The following SLC25A12 variants were observed in gnomAD, a reference collection of about 807,000 sequenced individuals.
SLC25A12 encodes the protein electrogenic aspartate/glutamate antiporter SLC25A12, mitochondrial.
A neutral mutation model predicts 83.3 loss-of-function variants in SLC25A12; 32 were observed. The observed-to-expected ratio is 0.38, with a 90% CI of 0.29 to 0.52. The LOEUF (loss-of-function observed/expected upper bound fraction) is 0.52, where lower values mean the gene tolerates loss of function less well. Ranked by LOEUF, SLC25A12 falls within the 20% of genes least tolerant of loss-of-function variation. The pLI, the probability that SLC25A12 is intolerant of heterozygous loss-of-function variation, is 0.84. For missense variants in SLC25A12, 611 were observed against 835.6 expected, an observed-to-expected ratio of 0.73 and a Z score of 3.31; for synonymous variants, 267 against 291.1, an observed-to-expected ratio of 0.92 and a Z score of 0.84.
At chr2:171,868,909 A>C in intron 2 of SLC25A12, 86 bp from the exon 3 acceptor site, 1 of 1,142,518 alleles carries the variant, frequency 8.8e-7, no homozygotes, top group Non-Finnish European at 1.3e-6. Context: ...AGGTAAATTA[A>C]AGGCCAGTAT....
At chr2:171,860,556 C>T (rs1158961958) in intron 3 of SLC25A12, among the ~76,000 whole-genome samples, 1 of 152,022 alleles carries the variant, frequency 6.6e-6, no homozygotes, top group Admixed American at 6.6e-5. Context: ...GAGCCGAGAT[C>T]GGGCCACTGC....
intron 2 of SLC25A12, among the ~76,000 whole-genome samples, chr2:171,882,130 T>C (rs1685707216): frequency 6.6e-6 from 1 of 152,164 alleles, no homozygotes; most frequent in Non-Finnish European, 1.5e-5. Flanking sequence ...GAGTCACCCC[T>C]AGGCTTCCAG....
intron 9 of SLC25A12, among the ~76,000 whole-genome samples, chr2:171,817,291 T>TA (rs1417903514): frequency 1.3e-5 from 2 of 152,170 alleles, no homozygotes; most frequent in African/African-American, 4.8e-5. Flanking sequence ...CACATTGGCA[T>TA]ACGTTTTTAA....
intron 8 of SLC25A12, among the ~76,000 whole-genome samples, chr2:171,832,714 T>A (rs1281964443): frequency 1.3e-5 from 2 of 152,196 alleles, no homozygotes; most frequent in African/African-American, 4.8e-5. Flanking sequence ...CCAATGCTCA[T>A]CCAAGGATCT....
chr2:171,893,796 T>A (rs966840616), intron 1 of SLC25A12, among the ~76,000 whole-genome samples: 3 of 152,156 alleles, frequency 2.0e-5, no homozygotes. Flanking sequence ...CTCGGCCTTA[T>A]TGAGGCCCCA....
At chr2:171,809,340 A>G (rs769959656) in intron 13 of SLC25A12, 2 of 459,332 alleles carry the variant, frequency 4.4e-6, no homozygotes, top group African/African-American at 2.0e-5. Flanking sequence ...AATGGTTCCT[A>G]TTTCTCCACA....
chr2:171,840,615 T>G (rs543443969), intron 5 of SLC25A12, among the ~76,000 whole-genome samples: 1 of 151,840 alleles, frequency 6.6e-6, no homozygotes, highest in Non-Finnish European at 1.5e-5. Flanking sequence ...TCCTGAAAAT[T>G]AGAAATACAG....
Position 171,834,726 on chromosome 2 carries a change from C to G in SLC25A12, c.751+1G>C. On this transcript the variant is annotated splice_donor_variant, in intron 7 of 17. Transcript: ENST00000422440. LOFTEE classifies it high-confidence loss of function. ...TATTTATGTATATTTTAAAATCTTA[C>G]CCTTTGTGACTTCAACATCTTTCCT... The G allele has an allele frequency of 6.2e-7, 1 of 1,613,002 alleles. No homozygotes were observed. The highest frequency in any genetic ancestry group is 8.5e-7 in the Non-Finnish European group (1 of 1,179,842).
intron 3 of SLC25A12, among the ~76,000 whole-genome samples, chr2:171,861,249 TGA>T (rs1385529437): frequency 6.6e-6 from 1 of 152,106 alleles, no homozygotes; most frequent in Non-Finnish European, 1.5e-5. Flanking sequence ...TTGGGAGGAA[TGA>T]GAGAAAAATA....
intron 3 of SLC25A12, among the ~76,000 whole-genome samples, chr2:171,868,464 G>A (rs1573996432): frequency 6.6e-6 from 1 of 151,740 alleles, no homozygotes; most frequent in East Asian, 1.9e-4. Flanking sequence ...ACAGGCATGG[G>A]CCACCATGCC....
intron 2 of SLC25A12, among the ~76,000 whole-genome samples, chr2:171,875,499 G>T (rs912704782): frequency 2.0e-5 from 3 of 152,104 alleles, no homozygotes; most frequent in Non-Finnish European, 4.4e-5. Flanking sequence ...CTATTAGAGC[G>T]GGGAGAGAGA....
intron 11 of SLC25A12, among the ~76,000 whole-genome samples, chr2:171,812,622 G>T (rs562956389): frequency 6.6e-6 from 1 of 151,564 alleles, no homozygotes; most frequent in Non-Finnish European, 1.5e-5. Flanking sequence ...AAGACAACGG[G>T]GGGTGGGGAA....
At chr2:171,886,123 T>G (rs1410788141) in intron 2 of SLC25A12, among the ~76,000 whole-genome samples, 1 of 152,186 alleles carries the variant, frequency 6.6e-6, no homozygotes, top group Non-Finnish European at 1.5e-5. Context: ...ATTGCAAAAT[T>G]TCTCTAAATT....
chr2:171,852,301 C>A (rs1325261570), intron 4 of SLC25A12, among the ~76,000 whole-genome samples: 1 of 152,126 alleles, frequency 6.6e-6, no homozygotes, highest in Non-Finnish European at 1.5e-5. Context: ...TATATAAATA[C>A]TTGCAAAGAT....
At chr2:171,865,645 A>T (rs1006205506) in intron 3 of SLC25A12, among the ~76,000 whole-genome samples, 8 of 151,886 alleles carry the variant, frequency 5.3e-5, no homozygotes, top group African/African-American at 1.9e-4. Context: ...TGGCCAACAG[A>T]GCAAGGCTCC....
intron 3 of SLC25A12, among the ~76,000 whole-genome samples, chr2:171,867,078 G>A (rs1430338235): frequency 8.6e-4 from 127 of 147,686 alleles, no homozygotes; most frequent in South Asian, 4.4e-3. Context: ...GACGATGGGC[G>A]GCCGGGCAGA....
intron 4 of SLC25A12, among the ~76,000 whole-genome samples, chr2:171,853,871 T>C (rs1684990020): frequency 6.6e-6 from 1 of 152,150 alleles, no homozygotes; most frequent in African/African-American, 2.4e-5. Context: ...TTTATAATAA[T>C]CGAAACTGGG....
Position 171,810,274 on chromosome 2 carries a change from G to T in SLC25A12, c.1174C>A (p.Leu392Met). 1 of 1,613,118 alleles carries T rather than the reference G, an allele frequency of 6.2e-7. No homozygotes were observed. The highest frequency in any genetic ancestry group is 1.1e-5 in the South Asian group (1 of 91,062). ...GCAACCCCTATAAGTTGTGGTATCA[G>T]ACCTAGGTAAAGGGACAGAATCATC... Reference protein sequence around the residue: ...YEGFFGLYRGLIPQLIGVAPE... With the variant: ...YEGFFGLYRGMIPQLIGVAPE... Residue 392 changes from leucine to methionine, a missense_variant and splice_region_variant, in exon 12 of 18, where the codon CTG (leucine) becomes ATG (methionine). Physicochemically the swap from Leu to Met is conservative, Grantham distance 15. This residue lies in a region of SLC25A12 where 540 missense variants were observed against 777.5 expected (regional missense o/e 0.69). Coordinates refer to ENST00000422440, the MANE Select transcript of SLC25A12 (RefSeq NM_003705.5).
intron 9 of SLC25A12, among the ~76,000 whole-genome samples, 168 bp downstream of exon 9, chr2:171,826,630 T>C (rs1185134977): frequency 1.3e-5 from 2 of 152,088 alleles, no homozygotes; most frequent in African/African-American, 2.4e-5. Context: ...ATATATTCTA[T>C]AAAAGTGGGG....
Sources: allele counts gnomAD v4.1 joint callset (sites outside exome capture counted in the v4.1 genomes callset), GRCh38; gene constraint gnomAD v4.1.1; regional missense constraint gnomAD v4.1.1; transcripts MANE v1.5; gene names NCBI Gene and HGNC (gene_info 2026-07-23, HGNC 2026-07-21).